RPL13A: variants seen among roughly 807,000 people sequenced by gnomAD.
RPL13A encodes the protein ribosomal protein L13a, also known as large ribosomal subunit protein uL13.
RPL13A carries 4 observed loss-of-function variants against 30.8 expected under a neutral mutation model. The ratio of observed to expected loss-of-function variants is 0.13; its 90% CI spans 0.06 to 0.30. The LOEUF is 0.30. Ranked by LOEUF, RPL13A falls within the 10% of genes least tolerant of loss-of-function variation. The pLI, the probability that RPL13A is intolerant of heterozygous loss-of-function variation, is 1.00. For synonymous variants in RPL13A, 108 were observed against 104.2 expected, an observed-to-expected ratio of 1.04 and a Z score of -0.22; for missense variants, 196 against 272.6, an observed-to-expected ratio of 0.72 and a Z score of 1.98.
At position 49,491,336 on chromosome 19, in the gene RPL13A, C is replaced by A. The variant is rs185778464; in HGVS notation, c.403-89C>A. 415 of 1,307,746 alleles carry A rather than the reference C, an allele frequency of 3.2e-4. 1 individual carries two copies. In the African/African-American group the frequency reaches 5.4e-3, roughly 17 times the overall value. 81.0% of individuals were successfully genotyped at this position (1,307,746 alleles called of 1,614,324 possible). A position where few individuals can be genotyped will look rare whatever the true frequency, so the allele number is the denominator to read the frequency against. ...ATATGCCCAGCTGTCAGTCACCTCCCAGCTCTCAACAGCTCCGGCTCTTCA... is the reference window on the plus strand; with the variant it reads ...ATATGCCCAGCTGTCAGTCACCTCCAAGCTCTCAACAGCTCCGGCTCTTCA... On this transcript the variant is annotated intron_variant, in intron 6 of 7. Coordinates refer to ENST00000391857, the MANE Select transcript of RPL13A (RefSeq NM_012423.4).
chr19:49,488,538 T>C (rs1053295674), intron 1 of RPL13A, among the ~76,000 whole-genome samples: 1 of 152,226 alleles, frequency 6.6e-6, no homozygotes, highest in African/African-American at 2.4e-5. Context: ...GTTACTGGTA[T>C]CCTTGTTTTA....
Position 49,491,413 on chromosome 19 carries a change from C to CCCT in RPL13A, c.403-10_403-9insTCC. On this transcript the variant is annotated splice_polypyrimidine_tract_variant and intron_variant, in intron 6 of 7. Coordinates refer to ENST00000391857, the MANE Select transcript of RPL13A (RefSeq NM_012423.4). ...AACTTCATTTGTTCACCCCCCCCCC[C>CCCT]CCCCCCCGCAGTTTGCCTATCTGGG... 3 of 874,776 alleles carry CCCT rather than the reference C, an allele frequency of 3.4e-6. No homozygotes were observed. The highest frequency in any genetic ancestry group is 4.9e-6 in the Non-Finnish European group (3 of 607,838). 54.2% of individuals were successfully genotyped at this position (874,776 alleles called of 1,614,324 possible).
Position 49,487,649 on chromosome 19 carries a change from G to A in RPL13A, c.15+5G>A, listed in dbSNP as rs762439945. The A allele has an allele frequency of 4.5e-6, 7 of 1,555,354 alleles. No individual in the cohort carries two copies. Among genetic ancestry groups the A allele is most frequent in the Non-Finnish European group, 5.2e-6 (6 of 1,152,738 alleles). ...CCGAAGATGGCGGAGGTGCAGGTATGGGCTCCGCGCGGGCCGGGGCGGCAA... is the reference window on the plus strand; with the variant it reads ...CCGAAGATGGCGGAGGTGCAGGTATAGGCTCCGCGCGGGCCGGGGCGGCAA... On this transcript the variant is annotated splice_donor_5th_base_variant and intron_variant, in intron 1 of 7. Transcript: ENST00000391857.
intron 7 of RPL13A, 22 bp downstream of exon 7, chr19:49,491,569 G>C (rs1204318745): frequency 6.4e-7 from 1 of 1,553,722 alleles, no homozygotes; most frequent in Non-Finnish European, 8.7e-7. Flanking sequence ...GGCTGGTGCT[G>C]AGGGGGGCAT....
Position 49,490,487 on chromosome 19 carries a change from C to T in RPL13A, c.167C>T (p.Ala56Val). ...NFYRNKLKYLAFLRKRMNTNP... is the reference protein window; with the variant it reads ...NFYRNKLKYLVFLRKRMNTNP... The stretch of plus-strand genomic sequence containing the variant: ...CCCCTCTCCCTAGTGAAGTACCTGG[C>T]TTTCCTCCGCAAGCGGATGAACACC... The change falls in exon 4 of 8, where the codon GCT becomes GTT. Residue 56 changes from alanine to valine, a missense_variant. By Grantham distance (64) the Ala-to-Val change is moderately conservative (BLOSUM62 0). Coordinates refer to ENST00000391857, the MANE Select transcript of RPL13A (RefSeq NM_012423.4). 1 of 1,614,208 alleles carries T rather than the reference C, an allele frequency of 6.2e-7. No individual in the cohort carries two copies. The highest frequency in any genetic ancestry group is 1.1e-5 in the South Asian group (1 of 91,090).
At chr19:49,488,206 C>T (rs1057275801) in intron 1 of RPL13A, among the ~76,000 whole-genome samples, 4 of 152,060 alleles carry the variant, frequency 2.6e-5, no homozygotes, top group Non-Finnish European at 4.4e-5. Flanking sequence ...GGAATGAACT[C>T]GTTTTCCGTC....
Position 49,491,031 on chromosome 19 carries a change from C to A in RPL13A, c.343-9C>A, listed in dbSNP as rs746725654. 2 of 1,614,128 alleles carry A rather than the reference C, an allele frequency of 1.2e-6. No individual in the cohort carries two copies. The highest frequency in any genetic ancestry group is 1.3e-5 in the African/African-American group (1 of 74,960). On this transcript the variant is annotated splice_polypyrimidine_tract_variant and intron_variant, in intron 5 of 7. Transcript: ENST00000391857. ...CCCGGGCTCTTAAGCCCCTCTCTTT[C>A]TCTAACAGAAAAAGCGGATGGTGGT...
At chr19:49,489,709 C>G in intron 1 of RPL13A, 141 bp from the exon 2 acceptor site, 1 of 720,124 alleles carries the variant, frequency 1.4e-6, no homozygotes, top group Non-Finnish European at 2.5e-6. Flanking sequence ...TAGAACGGGG[C>G]TCCGTGCATA....
chr19:49,491,404 C>CCT, intron 6 of RPL13A, 21 bp from the exon 7 acceptor site: 1 of 132,616 alleles, frequency 7.5e-6, no homozygotes, highest in South Asian at 4.6e-5. Flanking sequence ...ATTTGTTCAC[C>CCT]CCCCCCCCCC....
rs111293410 is a variant in RPL13A, at chr19:49,492,078, T to C, written c.*263T>C. On this transcript the variant is annotated 3_prime_UTR_variant, in exon 8 of 8. Coordinates refer to ENST00000391857, the MANE Select transcript of RPL13A (RefSeq NM_012423.4). ...GAGTGAAAGGGAGCCAGAAGACTGA[T>C]TGGAGGGCCCTATCTTGTGAGTGGG... The C allele has an allele frequency of 9.1e-6, 4 of 437,760 alleles. No individual in the cohort carries two copies. The South Asian group carries it at 9.7e-5, about 11-fold the overall frequency. 27.1% of individuals were successfully genotyped at this position (437,760 alleles called of 1,614,324 possible).
chr19:49,488,388 T>C (rs2079829938), intron 1 of RPL13A, among the ~76,000 whole-genome samples: 1 of 152,206 alleles, frequency 6.6e-6, no homozygotes, highest in Non-Finnish European at 1.5e-5. Context: ...AAGGTTTCTT[T>C]GTGAGTAGTC....
chr19:49,490,656 C>G (rs764068196), intron 4 of RPL13A, 80 bp downstream of exon 4: 4 of 1,579,496 alleles, frequency 2.5e-6, no homozygotes, highest in Non-Finnish European at 3.5e-6. Flanking sequence ...ATTCGAGTTT[C>G]CCGACCATGA....
At chr19:49,488,620 TTA>T (rs1170658208) in intron 1 of RPL13A, among the ~76,000 whole-genome samples, 1 of 152,242 alleles carries the variant, frequency 6.6e-6, no homozygotes, top group Non-Finnish European at 1.5e-5. Context: ...TGTCTGGATT[TTA>T]GAGTCTTTGT....
At chr19:49,488,707 C>T (rs2079833949) in intron 1 of RPL13A, among the ~76,000 whole-genome samples, 1 of 152,198 alleles carries the variant, frequency 6.6e-6, no homozygotes, top group African/African-American at 2.4e-5. Flanking sequence ...AGGATTTCTA[C>T]TTTTAGTGTT....
At chr19:49,491,691 C>T (rs1336274646) in intron 7 of RPL13A, 38 bp from the exon 8 acceptor site, 15 of 1,600,098 alleles carry the variant, frequency 9.4e-6, no homozygotes, top group Non-Finnish European at 1.1e-5. Flanking sequence ...GCAATGCAAC[C>T]CCTCCTGACC....
At chr19:49,489,995 T>TTC (rs1216794746) in intron 2 of RPL13A, 73 bp downstream of exon 2, 1 of 1,250,568 alleles carries the variant, frequency 8.0e-7, no homozygotes, top group South Asian at 1.2e-5. Flanking sequence ...TTCACCATCT[T>TTC]TCGTTTGAGT....
At position 49,490,840 on chromosome 19, in the gene RPL13A, C is replaced by T. The variant is rs747644693; in HGVS notation, c.318C>T (p.Asp106=). ...CTCTGGACCGTCTCAAGGTGTTTGA[C>T]GGCATCCCACCGCCCTACGACAAGG... ...QAALDRLKVF[D]GIPPPYDKKK... is the part of the protein sequence containing the mutation. Residue 106 remains aspartate (D), a synonymous_variant, in exon 5 of 8, where the codon GAC becomes GAT. Coordinates refer to ENST00000391857, the MANE Select transcript of RPL13A (RefSeq NM_012423.4). 2.1e-5 allele frequency: 34 copies of T among 1,614,002 alleles called. No individual in the cohort carries two copies. Among genetic ancestry groups the T allele is most frequent in the South Asian group, 1.2e-4 (11 of 91,096 alleles).
intron 1 of RPL13A, 99 bp downstream of exon 1, chr19:49,487,743 A>T: frequency 7.8e-7 from 1 of 1,283,358 alleles, no homozygotes; most frequent in Middle Eastern, 1.9e-4. Flanking sequence ...GCGGAGCTTA[A>T]CATCCATAAT....
At position 49,491,402 on chromosome 19, in the gene RPL13A, ACCCCCCCC is replaced by A. The variant is rs71180637; in HGVS notation, c.403-12_403-5del. 9,105 of 237,096 alleles carry A rather than the reference ACCCCCCCC, an allele frequency of 0.038. 1,117 individuals are homozygous for A. Among genetic ancestry groups the A allele is most frequent in the Non-Finnish European group, 0.059 (7,563 of 128,676 alleles). The allele number at this position is 237,096 out of a possible 1,614,324, so 14.7% of individuals were successfully genotyped here. Reference sequence around the variant, plus strand: ...GATATCCTTACAACTTCATTTGTTCACCCCCCCCCCCCCCCCCCGCAGTTTGCCTATCT... The same window carrying A: ...GATATCCTTACAACTTCATTTGTTCACCCCCCCCCCGCAGTTTGCCTATCT... On this transcript the variant is annotated splice_polypyrimidine_tract_variant and intron_variant, in intron 6 of 7. Transcript: ENST00000391857.
Sources: allele counts gnomAD v4.1 joint callset (sites outside exome capture counted in the v4.1 genomes callset), GRCh38; gene constraint gnomAD v4.1.1; transcripts MANE v1.5; gene names NCBI Gene and HGNC (gene_info 2026-07-23, HGNC 2026-07-21).